The following TTI1 variants were observed in gnomAD, a reference collection of about 807,000 sequenced individuals.
TTI1 encodes TELO2 interacting protein 1, also known as TELO2-interacting protein 1 homolog.
In TTI1, 52 loss-of-function variants were observed where a neutral mutation model predicts 85.4. The ratio of observed to expected loss-of-function variants is 0.61; its 90% confidence interval spans 0.49 to 0.77. The LOEUF (loss-of-function observed/expected upper bound fraction) is 0.77, where lower values mean the gene tolerates loss of function less well. Among genes scored for constraint, TTI1 ranks in the 30% least tolerant of loss-of-function variants. TTI1 has a pLI of 0.00. For missense variants in TTI1, 1,173 were observed against 1,296.0 expected, an observed-to-expected ratio of 0.91 and a Z score of 1.46; for synonymous variants, 512 against 503.9, an observed-to-expected ratio of 1.02 and a Z score of -0.22.
chr20:38,027,590 T>G (rs905073692), intron 1 of TTI1, among the ~76,000 whole-genome samples: 23 of 152,218 alleles, frequency 1.5e-4, no homozygotes, highest in African/African-American at 5.5e-4. Context: ...TTATATGCTG[T>G]GTTCTTACAA....
Position 38,013,164 on chromosome 20 carries a change from G to C in TTI1, c.653C>G (p.Thr218Ser). ...SFLPGISTAL[T>S]RLITGDFKQG... ...TTTAAAGTCTCCTGTGATAAGCCTG[G>C]TCAGTGCAGTTGAGATTCCAGGTAA... is the stretch of plus-strand genomic sequence containing the variant. Residue 218 changes from threonine to serine, a missense_variant, in exon 2 of 8, where the codon ACC becomes AGC. By Grantham distance (58) the Thr-to-Ser change is moderately conservative. Coordinates refer to ENST00000373447, the MANE Select transcript of TTI1 (RefSeq NM_001303457.2). 1 of 1,614,124 alleles carries C rather than the reference G, an allele frequency of 6.2e-7. No homozygotes were observed.
chr20:38,030,362 T>C (rs992735849), intron 1 of TTI1, among the ~76,000 whole-genome samples: 3 of 151,932 alleles, frequency 2.0e-5, no homozygotes, highest in Non-Finnish European at 4.4e-5. Context: ...CACATACTCT[T>C]CTAGAAAAAG....
At chr20:38,008,425 A>G (rs2073533835) in intron 2 of TTI1, among the ~76,000 whole-genome samples, 1 of 152,226 alleles carries the variant, frequency 6.6e-6, no homozygotes, top group Admixed American at 6.5e-5. Flanking sequence ...CGCGTGATGG[A>G]ATACTATGCA....
At chr20:38,002,590 G>A (rs1170946796) in intron 4 of TTI1, 38 bp downstream of exon 4, 1 of 1,609,168 alleles carries the variant, frequency 6.2e-7, no homozygotes, top group Non-Finnish European at 8.5e-7. Flanking sequence ...CCTTAGTCCT[G>A]CTACTCTGGG....
In TTI1 at chr20:38,011,866, A is replaced by G; in HGVS notation, c.1951T>C (p.Ser651Pro). ...LGKDFCLLLM[S>P]ALYPVLEKAG... Reference sequence around the variant, plus strand: ...TTCTCCAGTACTGGATAAAGGGCTGACATCAAGAGCAAACAGAAGTCTTTT... The same window carrying G: ...TTCTCCAGTACTGGATAAAGGGCTGGCATCAAGAGCAAACAGAAGTCTTTT... The change falls in exon 2 of 8, where the codon TCA becomes CCA. Residue 651 changes from serine to proline, a missense_variant. By Grantham distance (74) the Ser-to-Pro change is moderately conservative. Coordinates refer to ENST00000373447, the MANE Select transcript of TTI1 (RefSeq NM_001303457.2). The G allele has an allele frequency of 6.2e-7, 1 of 1,614,252 alleles. No homozygotes were observed. The highest frequency in any genetic ancestry group is 1.1e-5 in the South Asian group (1 of 91,090).
chr20:38,007,708 T>C (rs1050341433), intron 2 of TTI1, among the ~76,000 whole-genome samples: 24 of 152,190 alleles, frequency 1.6e-4, no homozygotes, highest in Non-Finnish European at 4.4e-5. Context: ...CTAATCTCCT[T>C]TTCATCAAAG....
In TTI1 at chr20:38,012,402, T is replaced by TG. The variant is rs1192560093; in HGVS notation, c.1414dup (p.Gln472ProfsTer10). The TG allele has an allele frequency of 6.2e-7, 1 of 1,614,208 alleles. No homozygotes were observed. The highest frequency in any genetic ancestry group is 8.5e-7 in the Non-Finnish European group (1 of 1,180,036). ...AGTGAAGAAGCGGAAATATCTCCTC[T>TG]GGATGCGGTTCCAAGGCTGTGTGGC... On this transcript the variant is annotated frameshift_variant, in exon 2 of 8. Transcript: ENST00000373447. LOFTEE classifies it high-confidence loss of function.
intron 3 of TTI1, among the ~76,000 whole-genome samples, chr20:38,003,945 C>T (rs2073461644): frequency 6.6e-6 from 1 of 152,088 alleles, no homozygotes; most frequent in Admixed American, 6.5e-5. Flanking sequence ...AGAATCAAAC[C>T]TTACTTATCT....
rs752002038 is a variant in TTI1, at chr20:38,002,627, C to T, written c.2652+1G>A. The stretch of plus-strand genomic sequence containing the variant: ...ATGCAGAGAAGCAGCTGCGCACTGA[C>T]CTTCAGGCGGATTTGCAGATTTTTA... On this transcript the variant is annotated splice_donor_variant, in intron 4 of 7. Coordinates refer to ENST00000373447, the MANE Select transcript of TTI1 (RefSeq NM_001303457.2). LOFTEE classifies it high-confidence loss of function. The T allele has an allele frequency of 6.2e-7, 1 of 1,614,120 alleles. No individual in the cohort carries two copies. The highest frequency in any genetic ancestry group is 1.7e-5 in the Admixed American group (1 of 60,024).
intron 2 of TTI1, among the ~76,000 whole-genome samples, chr20:38,009,517 T>A (rs1286566076): frequency 1.3e-5 from 2 of 151,976 alleles, no homozygotes; most frequent in East Asian, 3.9e-4. Flanking sequence ...TTTATTTATT[T>A]TTTTTTTTGA....
chr20:38,025,248 G>C (rs2073821577), intron 1 of TTI1, among the ~76,000 whole-genome samples: 1 of 152,070 alleles, frequency 6.6e-6, no homozygotes, highest in South Asian at 2.1e-4. Context: ...CTCATACCAG[G>C]AACCAGGAGG....
intron 7 of TTI1, among the ~76,000 whole-genome samples, chr20:37,990,334 G>A (rs1480954709): frequency 6.6e-6 from 1 of 152,188 alleles, no homozygotes; most frequent in Non-Finnish European, 1.5e-5. Context: ...GGTATTTTGT[G>A]CTACCTGACT....
chr20:38,032,882 T>C (rs891841678), intron 1 of TTI1, among the ~76,000 whole-genome samples: 1 of 152,082 alleles, frequency 6.6e-6, no homozygotes, highest in Admixed American at 6.5e-5. Context: ...AACAGACACA[T>C]TGGGAAGGCT....
intron 4 of TTI1, 129 bp downstream of exon 4, chr20:38,002,499 C>T: frequency 4.0e-6 from 5 of 1,240,334 alleles, no homozygotes; most frequent in Non-Finnish European, 4.4e-6. Flanking sequence ...CTTTTGATGC[C>T]TTCTCTTGGC....
chr20:38,029,102 G>A (rs1457692358), intron 1 of TTI1, among the ~76,000 whole-genome samples: 1 of 152,038 alleles, frequency 6.6e-6, no homozygotes, highest in African/African-American at 2.4e-5. Flanking sequence ...ATCATACAGA[G>A]TGACATTCCC....
At chr20:38,032,697 G>A (rs572853356) in intron 1 of TTI1, among the ~76,000 whole-genome samples, 21 of 152,232 alleles carry the variant, frequency 1.4e-4, no homozygotes, top group African/African-American at 5.1e-4. Context: ...GTATCCTCTC[G>A]CGTAGCTGGA....
At chr20:38,019,106 T>C (rs1206264313) in intron 1 of TTI1, 1 of 151,128 alleles carries the variant, frequency 6.6e-6, no homozygotes, top group Non-Finnish European at 1.5e-5. Flanking sequence ...GCTGTGATTG[T>C]GCCACTGTAC....
At chr20:38,029,219 G>A (rs1476417329) in intron 1 of TTI1, among the ~76,000 whole-genome samples, 1 of 151,792 alleles carries the variant, frequency 6.6e-6, no homozygotes, top group Non-Finnish European at 1.5e-5. Context: ...ACGGAACAGA[G>A]AGGAAACCTT....
At position 38,015,924 on chromosome 20, in the gene TTI1, A is replaced by G. The variant is rs2073675946; in HGVS notation, c.-41-2067T>C. Among the ~76,000 whole-genome samples, 3 of 152,206 alleles carry G rather than the reference A, an allele frequency of 2.0e-5. No individual in the cohort carries two copies. In the South Asian group the frequency reaches 6.2e-4, roughly 32 times the overall value. On this transcript the variant is annotated intron_variant, in intron 1 of 7. Transcript: ENST00000373447. ...AAACATTTCCCTTAGCTGCAAAAAG[A>G]TTTATCTGGAGACCGAAAAGCCTTG...
Sources: allele counts gnomAD v4.1 joint callset (sites outside exome capture counted in the v4.1 genomes callset), GRCh38; gene constraint gnomAD v4.1.1; transcripts MANE v1.5; gene names NCBI Gene and HGNC (gene_info 2026-07-23, HGNC 2026-07-21).